Variants in AKT3 observed in about 807,000 individuals in gnomAD.
The protein encoded by AKT3 is RAC-gamma serine/threonine-protein kinase.
AKT3 carries 15 observed loss-of-function variants against 65.3 expected under a neutral mutation model. The observed-to-expected ratio is 0.23, with a 90% CI of 0.15 to 0.35. The LOEUF (loss-of-function observed/expected upper bound fraction) is 0.35. Among genes scored for constraint, AKT3 ranks in the 10% least tolerant of loss-of-function variants. AKT3 has a pLI of 1.00. For synonymous variants in AKT3, 206 were observed against 183.8 expected (o/e 1.12, Z -0.98); for missense variants, 243 against 576.5 (o/e 0.42, Z 5.92).
intron 8 of AKT3, 136 bp downstream of exon 8, chr1:243,613,535 G>T: frequency 2.0e-6 from 1 of 511,722 alleles, no homozygotes; most frequent in Non-Finnish European, 3.3e-6. Context: ...GCTCCCATTT[G>T]TTCAATAGTA....
intron 1 of AKT3, among the ~76,000 whole-genome samples, chr1:243,845,749 C>A (rs1695494254): frequency 6.6e-6 from 1 of 151,798 alleles, no homozygotes; most frequent in Non-Finnish European, 1.5e-5. Context: ...GATATATGGT[C>A]CATTAAATAC....
intron 2 of AKT3, among the ~76,000 whole-genome samples, chr1:243,700,621 A>G (rs1273074386): frequency 1.3e-5 from 2 of 151,184 alleles, no homozygotes; most frequent in African/African-American, 4.9e-5. Context: ...CTCCTGCCTC[A>G]GCCTCCCGAG....
At chr1:243,616,222 A>C (rs996589816) in intron 6 of AKT3, among the ~76,000 whole-genome samples, 14 of 136,166 alleles carry the variant, frequency 1.0e-4, no homozygotes, top group Admixed American at 4.1e-4. Flanking sequence ...CTTTCCCCCA[A>C]CTCCCCAAAG....
intron 6 of AKT3, among the ~76,000 whole-genome samples, chr1:243,636,975 T>C (rs1305252684): frequency 1.3e-5 from 2 of 152,136 alleles, no homozygotes. Context: ...AGTATAACAG[T>C]AATTTATGTC....
At chr1:243,556,097 C>A (rs2148472958) in intron 10 of AKT3, among the ~76,000 whole-genome samples, 1 of 152,152 alleles carries the variant, frequency 6.6e-6, no homozygotes, top group East Asian at 1.9e-4. Flanking sequence ...GTCTAGAAAA[C>A]AAGGCTGTAT....
intron 4 of AKT3, among the ~76,000 whole-genome samples, chr1:243,648,315 GTATCTC>G (rs2147854806): frequency 6.6e-6 from 1 of 151,438 alleles, no homozygotes; most frequent in East Asian, 1.9e-4. Flanking sequence ...TTCTTTTTCT[GTATCTC>G]TATAAAATGA....
chr1:243,606,693 T>C (rs931240197), intron 8 of AKT3, among the ~76,000 whole-genome samples: 1 of 152,242 alleles, frequency 6.6e-6, no homozygotes, highest in Non-Finnish European at 1.5e-5. Flanking sequence ...AGCCAGATGT[T>C]AATCACCAAG....
At chr1:243,551,008 T>TAAAAC (rs996069276) in intron 11 of AKT3, among the ~76,000 whole-genome samples, 1 of 149,534 alleles carries the variant, frequency 6.7e-6, no homozygotes, top group Non-Finnish European at 1.5e-5. Context: ...CCACTCTGTT[T>TAAAAC]AAAGTTACCT....
chr1:243,574,307 T>C (rs533309901), intron 8 of AKT3, among the ~76,000 whole-genome samples: 1 of 142,794 alleles, frequency 7.0e-6, no homozygotes, highest in Admixed American at 6.9e-5. Context: ...GCATGACCCA[T>C]TGGCATAGTA....
chr1:243,646,257 G>T (rs1421082242), intron 4 of AKT3, among the ~76,000 whole-genome samples: 2 of 151,894 alleles, frequency 1.3e-5, no homozygotes, highest in Non-Finnish European at 2.9e-5. Flanking sequence ...TTTTTTGGAA[G>T]TATGTTAAAG....
chr1:243,700,506 ATT>A (rs67611152), intron 2 of AKT3, among the ~76,000 whole-genome samples: 8 of 139,928 alleles, frequency 5.7e-5, no homozygotes, highest in African/African-American at 8.0e-5. Flanking sequence ...GGCTTAGTCT[ATT>A]TTTTTTTTTT....
At chr1:243,575,887 A>G (rs1212484767) in intron 8 of AKT3, among the ~76,000 whole-genome samples, 1 of 152,160 alleles carries the variant, frequency 6.6e-6, no homozygotes, top group East Asian at 1.9e-4. Context: ...TAGCAATGGC[A>G]AGAAAACACA....
At chr1:243,771,848 C>G (rs1002853894) in intron 2 of AKT3, among the ~76,000 whole-genome samples, 1 of 152,052 alleles carries the variant, frequency 6.6e-6, no homozygotes, top group Non-Finnish European at 1.5e-5. Flanking sequence ...GAGATACAGA[C>G]CAATGGAACA....
At chr1:243,744,506 G>A (rs1174219552) in intron 2 of AKT3, among the ~76,000 whole-genome samples, 1 of 152,032 alleles carries the variant, frequency 6.6e-6, no homozygotes, top group Non-Finnish European at 1.5e-5. Context: ...TTGGGAGGCC[G>A]AGGCGGGTGG....
chr1:243,575,257 G>A (rs1432660455), intron 8 of AKT3, among the ~76,000 whole-genome samples: 1 of 152,048 alleles, frequency 6.6e-6, no homozygotes, highest in East Asian at 1.9e-4. Context: ...CTAACTCTCT[G>A]GCTAATCCTT....
intron 2 of AKT3, among the ~76,000 whole-genome samples, chr1:243,829,632 G>C (rs973822144): frequency 6.6e-6 from 1 of 152,000 alleles, no homozygotes; most frequent in Non-Finnish European, 1.5e-5. Context: ...TTTAAGCAAC[G>C]TTAAACCTCA....
chr1:243,622,361 C>T (rs1335953995), intron 6 of AKT3, among the ~76,000 whole-genome samples: 1 of 152,188 alleles, frequency 6.6e-6, no homozygotes, highest in Non-Finnish European at 1.5e-5. Flanking sequence ...AAAATCGCTA[C>T]CATCATTATT....
At chr1:243,541,742 G>A (rs1034833466) in intron 12 of AKT3, among the ~76,000 whole-genome samples, 6 of 152,128 alleles carry the variant, frequency 3.9e-5, no homozygotes, top group Admixed American at 3.9e-4. Flanking sequence ...AATGCATACA[G>A]ATTAGAAATG....
intron 2 of AKT3, among the ~76,000 whole-genome samples, chr1:243,786,242 T>C (rs918976595): frequency 1.3e-5 from 2 of 152,242 alleles, no homozygotes; most frequent in African/African-American, 4.8e-5. Context: ...TATGCTTCCA[T>C]CTCCTGAAAA....
Sources: allele counts gnomAD v4.1 joint callset (sites outside exome capture counted in the v4.1 genomes callset), GRCh38; gene constraint gnomAD v4.1.1; transcripts MANE v1.5; gene names NCBI Gene and HGNC (gene_info 2026-07-23, HGNC 2026-07-21).